The following VPS13C variants were observed in gnomAD, a reference collection of about 807,000 sequenced individuals.
VPS13C encodes intermembrane lipid transfer protein VPS13C.
Under a neutral mutation model 456.8 loss-of-function variants are expected in VPS13C, and 358 were observed. The ratio of observed to expected loss-of-function variants is 0.78; its 90% CI spans 0.72 to 0.86. VPS13C has a LOEUF of 0.86. Ranked by LOEUF, VPS13C falls within the 40% of genes least tolerant of loss-of-function variation. The pLI is 0.00. For synonymous variants in VPS13C, 1,578 were observed against 1,486.7 expected (o/e 1.06, Z -1.41); for missense variants, 4,818 against 4,385.4 (o/e 1.10, Z -2.79).
intron 3 of VPS13C, among the ~76,000 whole-genome samples, 189 bp from the exon 4 acceptor site, chr15:62,035,241 T>C (rs1428824667): frequency 6.6e-6 from 1 of 152,032 alleles, no homozygotes; most frequent in Admixed American, 6.6e-5. Flanking sequence ...ATTAAGTGAA[T>C]AGTCACATTG....
intron 79 of VPS13C, among the ~76,000 whole-genome samples, chr15:61,870,691 T>C (rs1329745618): frequency 6.6e-6 from 1 of 152,172 alleles, no homozygotes; most frequent in Non-Finnish European, 1.5e-5. Context: ...GTTTAACTTT[T>C]TGAAGCACTG....
intron 53 of VPS13C, among the ~76,000 whole-genome samples, chr15:61,925,144 C>G (rs1169471508): frequency 6.6e-6 from 1 of 152,068 alleles, no homozygotes; most frequent in African/African-American, 2.4e-5. Flanking sequence ...ATCCCTTCTT[C>G]CCTTCTCTTC....
chr15:61,863,448 A>G lies in VPS13C; in HGVS notation c.10944T>C (p.Val3648=), dbSNP rs1334418224. Residue 3648 remains valine (V), a synonymous_variant, in exon 82 of 85, where the codon GTT becomes GTC. Transcript: ENST00000644861. ...IPGSKKTILM[V]TNRRVLCIKE... ...TCACTTCAAGTCAGTACCTATTTGT[A>G]ACCATAAGGATTGTCTTCTTGCTTC... 1 of 1,611,386 alleles carries G rather than the reference A, an allele frequency of 6.2e-7. No homozygotes were observed. The highest frequency in any genetic ancestry group is 1.1e-5 in the South Asian group (1 of 90,760).
chr15:61,879,679 T>A (rs1261690883), intron 73 of VPS13C, among the ~76,000 whole-genome samples: 1 of 152,068 alleles, frequency 6.6e-6, no homozygotes, highest in African/African-American at 2.4e-5. Flanking sequence ...GTTTTATACC[T>A]CCACAGCAAC....
chr15:62,049,208 G>C (rs1393394463), intron 1 of VPS13C, among the ~76,000 whole-genome samples: 1 of 152,182 alleles, frequency 6.6e-6, no homozygotes, highest in African/African-American at 2.4e-5. Flanking sequence ...TATTGCCTAG[G>C]TTTTCTTCTA....
chr15:61,942,938 T>C (rs1017294820), intron 45 of VPS13C, among the ~76,000 whole-genome samples: 6 of 151,986 alleles, frequency 3.9e-5, no homozygotes, highest in African/African-American at 1.4e-4. Flanking sequence ...ACAAAATCAA[T>C]GTACAAAAAT....
At position 62,044,188 on chromosome 15, in the gene VPS13C, T is replaced by C. The variant is rs758393542; in HGVS notation, c.144+24A>G. ...GAACTTACCAAATTAAGTGAGTTATTAGCATAGTTTAAAAAAAACTTACCA... is the reference window on the plus strand; with the variant it reads ...GAACTTACCAAATTAAGTGAGTTATCAGCATAGTTTAAAAAAAACTTACCA... On this transcript the variant is annotated intron_variant, in intron 2 of 84. Transcript: ENST00000644861. 8 of 1,454,162 alleles carry C rather than the reference T, an allele frequency of 5.5e-6. No individual in the cohort carries two copies. The South Asian group carries it at 8.4e-5, about 15-fold the overall frequency. The allele number at this position is 1,454,162 out of a possible 1,614,324, so 90.1% of individuals were successfully genotyped here.
Position 62,060,442 on chromosome 15 carries a change from C to G in VPS13C, c.-68G>C. On this transcript the variant is annotated 5_prime_UTR_variant, in exon 1 of 85. Transcript: ENST00000644861. ...CGGCGCAGCTGAGGGCTGCGACCAG[C>G]GCTGCAAATGACAGCCCCTCCGGCG... The G allele has an allele frequency of 1.3e-6, 1 of 799,460 alleles. No homozygotes were observed. The highest frequency in any genetic ancestry group is 2.0e-6 in the Non-Finnish European group (1 of 505,028). The allele number at this position is 799,460 out of a possible 1,614,324, so 49.5% of individuals were successfully genotyped here. A position where few individuals can be genotyped will look rare whatever the true frequency, so the allele number is the denominator to read the frequency against.
intron 53 of VPS13C, among the ~76,000 whole-genome samples, chr15:61,925,171 C>A (rs191587673): frequency 6.6e-6 from 1 of 152,022 alleles, no homozygotes; most frequent in East Asian, 1.9e-4. Flanking sequence ...CATATCTCTT[C>A]CCTCCTCCAA....
chr15:61,989,530 T>C (rs1567079446), intron 18 of VPS13C, among the ~76,000 whole-genome samples: 1 of 151,924 alleles, frequency 6.6e-6, no homozygotes, highest in East Asian at 1.9e-4. Flanking sequence ...AGGCCTCATA[T>C]CCAGAATATA....
At position 61,971,461 on chromosome 15, in the gene VPS13C, G is replaced by A. The variant is rs190323017; in HGVS notation, c.2757+1164C>T. On this transcript the variant is annotated intron_variant, in intron 27 of 84. Coordinates refer to ENST00000644861, the MANE Select transcript of VPS13C (RefSeq NM_020821.3). ...TTTTTAGTAGAGATGGGGTTTCACCGTGTTGCCCAGGCTGGTCTTGAACTC... is the reference window on the plus strand; with the variant it reads ...TTTTTAGTAGAGATGGGGTTTCACCATGTTGCCCAGGCTGGTCTTGAACTC... 9.8e-4 allele frequency among the ~76,000 whole-genome samples: 149 copies of A among 152,064 alleles called. 1 individual carries two copies. The highest frequency in any genetic ancestry group is 3.5e-3 in the African/African-American group (145 of 41,484).
In VPS13C at chr15:61,999,823, G is replaced by C. The variant is rs948944136; in HGVS notation, c.1353+741C>G. 2.1e-5 allele frequency among the ~76,000 whole-genome samples: 3 copies of C among 144,882 alleles called. No homozygotes were observed. In the Admixed American group the frequency reaches 2.2e-4, roughly 10 times the overall value. On this transcript the variant is annotated intron_variant, in intron 16 of 84. Coordinates refer to ENST00000644861, the MANE Select transcript of VPS13C (RefSeq NM_020821.3). Reference sequence around the variant, plus strand: ...AAAAAAAGGAAGAAAGTGAAGGAAAGAGGAAGGAAGGAAAGGAGAAAAGAA... The same window carrying C: ...AAAAAAAGGAAGAAAGTGAAGGAAACAGGAAGGAAGGAAAGGAGAAAAGAA...
In VPS13C at chr15:61,910,189, G is replaced by T; in HGVS notation, c.8832C>A (p.Ser2944Arg). ...YNRQDNGTLL[S>R]LEDLNGGILV... is the part of the protein sequence containing the mutation. ...TATGAAAACTTACCAGATCTTCTAA[G>T]CTCAATAAAGTGCCATTATCCTGTC... Residue 2944 changes from serine (S) to arginine (R), a missense_variant, in exon 64 of 85, where the codon AGC (serine) becomes AGA (arginine). Coordinates refer to ENST00000644861, the MANE Select transcript of VPS13C (RefSeq NM_020821.3). The T allele has an allele frequency of 7.1e-7, 1 of 1,400,612 alleles. No homozygotes were observed. The highest frequency in any genetic ancestry group is 9.4e-7 in the Non-Finnish European group (1 of 1,069,402). 86.8% of individuals were successfully genotyped at this position (1,400,612 alleles called of 1,614,324 possible).
intron 49 of VPS13C, 51 bp downstream of exon 49, chr15:61,934,168 G>T: frequency 8.0e-7 from 1 of 1,254,026 alleles, no homozygotes; most frequent in South Asian, 1.6e-5. Flanking sequence ...CTCTAAAACT[G>T]ACTATCAAGA....
In VPS13C at chr15:61,941,786, T is replaced by C; in HGVS notation, c.5430A>G (p.Glu1810=). The C allele has an allele frequency of 5.0e-6, 8 of 1,612,270 alleles. No individual in the cohort carries two copies. In the Middle Eastern group the frequency reaches 1.2e-3, roughly 241 times the overall value. Residue 1810 remains glutamate, a synonymous_variant, in exon 46 of 85, where the codon GAA becomes GAG. Transcript: ENST00000644861. ...ACCTTGACAGCTTCAACTGAGTGAG[T>C]TCGATGTTCATTTTATCAATGACTG... is the stretch of plus-strand genomic sequence containing the variant. ...LPPVIDKMNI[E]LTQLKLSRTI...
At chr15:61,922,095 C>G in intron 54 of VPS13C, 62 bp from the exon 55 acceptor site, 1 of 1,520,098 alleles carries the variant, frequency 6.6e-7, no homozygotes, top group Non-Finnish European at 9.1e-7. Context: ...ATTTCTGTAA[C>G]CAATAGGGAA....
chr15:61,910,964 T>C (rs2043286254), intron 63 of VPS13C, among the ~76,000 whole-genome samples: 1 of 152,218 alleles, frequency 6.6e-6, no homozygotes, highest in Non-Finnish European at 1.5e-5. Context: ...TACTTGTTGC[T>C]GAGTTTATGG....
chr15:61,938,716 C>T (rs2044313022), intron 47 of VPS13C, among the ~76,000 whole-genome samples: 1 of 152,116 alleles, frequency 6.6e-6, no homozygotes, highest in Admixed American at 6.6e-5. Context: ...TGTGAATCTA[C>T]CACCTGGCTT....
At chr15:61,984,832 T>C in intron 19 of VPS13C, 25 bp downstream of exon 19, 7 of 1,607,058 alleles carry the variant, frequency 4.4e-6, no homozygotes, top group Non-Finnish European at 5.1e-6. Flanking sequence ...AAAGTAAAAA[T>C]TGAAATAAGT....
Sources: gnomAD v4.1 joint callset for allele counts (sites outside exome capture counted in the v4.1 genomes callset) on GRCh38, gnomAD v4.1.1 for gene constraint, MANE v1.5 for transcripts, NCBI Gene and HGNC (gene_info 2026-07-23, HGNC 2026-07-21) for gene names.